The following RICTOR variants were observed in gnomAD, a reference collection of about 807,000 sequenced individuals.
RICTOR encodes the protein RPTOR independent companion of MTOR complex 2.
RICTOR carries 49 observed loss-of-function variants against 214.9 expected under a neutral mutation model. The observed-to-expected ratio is 0.23, with a 90% confidence interval of 0.18 to 0.29. The LOEUF is 0.29. RICTOR is among the 10% of genes least tolerant of loss of function. The probability of loss-of-function intolerance (pLI) is 1.00; values close to 1 mark genes in which losing one functional copy is unlikely to be tolerated. For synonymous variants in RICTOR, 717 were observed against 711.3 expected, an observed-to-expected ratio of 1.01 and a Z score of -0.13; for missense variants, 1,625 against 2,047.0, an observed-to-expected ratio of 0.79 and a Z score of 3.98.
intron 2 of RICTOR, among the ~76,000 whole-genome samples, chr5:39,034,626 G>A (rs569681735): frequency 1.9e-4 from 29 of 152,318 alleles, no homozygotes; most frequent in African/African-American, 4.3e-4. Context: ...CTAATACTGC[G>A]CTGTTCCAAT....
At chr5:38,983,218 A>G (rs1235804117) in intron 7 of RICTOR, among the ~76,000 whole-genome samples, 1 of 152,232 alleles carries the variant, frequency 6.6e-6, no homozygotes, top group East Asian at 1.9e-4. Context: ...AAACACACAC[A>G]CAAGTCATAC....
rs1470768004 is a variant in RICTOR at position 38,939,058 on chromosome 5, C to T, written c.*3246G>A. 6 of 232,960 alleles carry T rather than the reference C, an allele frequency of 2.6e-5. No homozygotes were observed. The highest frequency in any genetic ancestry group is 5.1e-5 in the Non-Finnish European group (6 of 117,712). The allele number at this position is 232,960 out of a possible 1,614,324, so 14.4% of individuals were successfully genotyped here. ...CATCTCACACAAAATTAGCACCTCA[C>T]TCTTACCATGCAAAAATAACTGCAG... is the stretch of plus-strand genomic sequence containing the variant. On this transcript the variant is annotated 3_prime_UTR_variant, in exon 38 of 38. Transcript: ENST00000357387.
Position 38,950,735 on chromosome 5 carries a change from T to G in RICTOR, c.3128-15A>C, listed in dbSNP as rs752943063. 2.6e-6 allele frequency: 4 copies of G among 1,537,074 alleles called. No homozygotes were observed. In the East Asian group the frequency reaches 6.8e-5, roughly 26 times the overall value. ...TATGAACATACCTATGATTGAAGGATCAATTAATAAAAACACATATAAAAT... is the reference window on the plus strand; with the variant it reads ...TATGAACATACCTATGATTGAAGGAGCAATTAATAAAAACACATATAAAAT... On this transcript the variant is annotated splice_polypyrimidine_tract_variant and intron_variant, in intron 30 of 37. Coordinates refer to ENST00000357387, the MANE Select transcript of RICTOR (RefSeq NM_152756.5).
At chr5:39,042,826 C>A (rs1348678014) in intron 2 of RICTOR, among the ~76,000 whole-genome samples, 2 of 152,126 alleles carry the variant, frequency 1.3e-5, no homozygotes, top group African/African-American at 4.8e-5. Flanking sequence ...ATACCAAATT[C>A]TGTTTCTTGA....
At chr5:38,996,640 C>T (rs1378942912) in intron 6 of RICTOR, among the ~76,000 whole-genome samples, 179 bp downstream of exon 6, 2 of 152,022 alleles carry the variant, frequency 1.3e-5, no homozygotes, top group African/African-American at 4.8e-5. Context: ...TAGAATTCCA[C>T]AAAATATTTG....
At chr5:38,970,128 G>C (rs1194291976) in intron 11 of RICTOR, 2 of 152,148 alleles carry the variant, frequency 1.3e-5, no homozygotes, top group Non-Finnish European at 2.9e-5. Flanking sequence ...ACATAACCTA[G>C]GTGTGTAGTA....
Position 38,946,572 on chromosome 5 carries a change from A to G in RICTOR, c.4315-20T>C. ...CTTTACCTAAAAAAAGATATAAACC[A>G]TGGTAAGTCCTGCTATAAAAATAAG... On this transcript the variant is annotated intron_variant, in intron 32 of 37. Transcript: ENST00000357387. 6.9e-7 allele frequency: 1 copy of G among 1,442,706 alleles called. No homozygotes were observed. Among genetic ancestry groups the G allele is most frequent in the Non-Finnish European group, 9.8e-7 (1 of 1,024,506 alleles). The allele number at this position is 1,442,706 out of a possible 1,614,324, so 89.4% of individuals were successfully genotyped here.
chr5:38,952,553 GAA>G lies in RICTOR; in HGVS notation c.2898-130_2898-129del, dbSNP rs10707065. ...ACCCACCAAAATGGTTGCGTTTGTG[GAA>G]AAAAAAAAACTTATTAAGACTAGTC... On this transcript the variant is annotated intron_variant, in intron 29 of 37. Transcript: ENST00000357387. 464 of 402,838 alleles carry G rather than the reference GAA, an allele frequency of 1.2e-3. 1 individual carries two copies. Among genetic ancestry groups the G allele is most frequent in the African/African-American group, 5.7e-3 (274 of 48,170 alleles). The allele number at this position is 402,838 out of a possible 1,614,324, so 25.0% of individuals were successfully genotyped here. A position where few individuals can be genotyped will look rare whatever the true frequency, so the allele number is the denominator to read the frequency against.
At chr5:39,068,549 A>G (rs1759069835) in intron 2 of RICTOR, among the ~76,000 whole-genome samples, 1 of 152,224 alleles carries the variant, frequency 6.6e-6, no homozygotes, top group African/African-American at 2.4e-5. Flanking sequence ...TAGCCTAGAA[A>G]ATGTGTGTAT....
chr5:39,046,642 C>T (rs1757522413), intron 2 of RICTOR, among the ~76,000 whole-genome samples: 2 of 152,082 alleles, frequency 1.3e-5, no homozygotes. Context: ...CCCATGCTAA[C>T]CAAATCCACC....
At position 38,978,599 on chromosome 5, in the gene RICTOR, C is replaced by T. The variant is rs2150054891; in HGVS notation, c.805G>A (p.Ala269Thr). ...GTTACTTACTTGAGCTGTCCTTCAGCTGTATCTGGACTATGTCTGTAGTGA... is the reference window on the plus strand; with the variant it reads ...GTTACTTACTTGAGCTGTCCTTCAGTTGTATCTGGACTATGTCTGTAGTGA... ...DFHYRHSPDT[A>T]EGQLKEDREA... Residue 269 changes from alanine to threonine, a missense_variant, in exon 9 of 38, where the codon GCT becomes ACT. Around this residue, in one of 5 missense-constraint regions of RICTOR, gnomAD observed 258 missense variants for 393.7 expected, o/e 0.66. Transcript: ENST00000357387. The T allele has an allele frequency of 6.4e-7, 1 of 1,564,640 alleles. No individual in the cohort carries two copies. Among genetic ancestry groups the T allele is most frequent in the Non-Finnish European group, 8.8e-7 (1 of 1,141,328 alleles).
intron 2 of RICTOR, among the ~76,000 whole-genome samples, chr5:39,069,224 T>G (rs1305163499): frequency 6.6e-6 from 1 of 152,144 alleles, no homozygotes; most frequent in South Asian, 2.1e-4. Context: ...AGCAATAAAG[T>G]TGTGGAGTGA....
At chr5:39,069,338 G>T (rs1259578079) in intron 2 of RICTOR, among the ~76,000 whole-genome samples, 1 of 152,082 alleles carries the variant, frequency 6.6e-6, no homozygotes, top group East Asian at 1.9e-4. Flanking sequence ...CATAGTACCT[G>T]GTCCATGTGA....
At chr5:38,951,660 A>G (rs1003065159) in intron 30 of RICTOR, among the ~76,000 whole-genome samples, 4 of 151,988 alleles carry the variant, frequency 2.6e-5, no homozygotes, top group African/African-American at 9.7e-5. Context: ...AGGAAGAACC[A>G]TGCCTTAAAT....
chr5:38,962,806 T>C (rs540144674), intron 17 of RICTOR, 70 bp downstream of exon 17: 3 of 1,290,956 alleles, frequency 2.3e-6, no homozygotes, highest in East Asian at 2.3e-5. Context: ...AATACATGCA[T>C]ACTAAAATCC....
intron 8 of RICTOR, among the ~76,000 whole-genome samples, chr5:38,979,666 T>C (rs1751546025): frequency 6.6e-6 from 1 of 152,228 alleles, no homozygotes; most frequent in Non-Finnish European, 1.5e-5. Flanking sequence ...GCCAAGCCTG[T>C]AGTCATCTGA....
At chr5:38,987,037 C>A (rs986703417) in intron 7 of RICTOR, among the ~76,000 whole-genome samples, 2 of 152,112 alleles carry the variant, frequency 1.3e-5, no homozygotes, top group Non-Finnish European at 2.9e-5. Flanking sequence ...TACTGATTTG[C>A]GTATGCTGAA....
At chr5:39,058,592 T>C (rs896557768) in intron 2 of RICTOR, among the ~76,000 whole-genome samples, 1 of 152,118 alleles carries the variant, frequency 6.6e-6, no homozygotes, top group African/African-American at 2.4e-5. Flanking sequence ...TGTATGCTCT[T>C]TCAAGGAGAA....
rs139304170 is a variant in RICTOR, at chr5:39,023,135, G to A, written c.98-1999C>T. On this transcript the variant is annotated intron_variant, in intron 2 of 37. Coordinates refer to ENST00000357387, the MANE Select transcript of RICTOR (RefSeq NM_152756.5). ...AAACAAAAACAAACAAACAAAAAAGGATAACGGCGGATTTCTTATCCAAAA... is the reference window on the plus strand; with the variant it reads ...AAACAAAAACAAACAAACAAAAAAGAATAACGGCGGATTTCTTATCCAAAA... Among the ~76,000 whole-genome samples the A allele has an allele frequency of 2.6e-5, 4 of 151,508 alleles. No homozygotes were observed. In the East Asian group the frequency reaches 7.8e-4, roughly 30 times the overall value.
Sources: gnomAD v4.1 joint callset for allele counts (sites outside exome capture counted in the v4.1 genomes callset) on GRCh38, gnomAD v4.1.1 for gene constraint, gnomAD v4.1.1 regional missense constraint, MANE v1.5 for transcripts, NCBI Gene and HGNC (gene_info 2026-07-23, HGNC 2026-07-21) for gene names.